Variants in PIEZO1 observed in about 807,000 individuals in gnomAD.
PIEZO1 encodes piezo type mechanosensitive ion channel component 1 (Er blood group).
Under a neutral mutation model 297.2 loss-of-function variants are expected in PIEZO1, and 296 were observed. That is an observed-to-expected ratio of 1.00 (90% CI 0.91 to 1.10). PIEZO1 has a LOEUF of 1.10. Ranked by LOEUF, PIEZO1 falls within the 50% of genes least tolerant of loss-of-function variation. The pLI is 0.00. For synonymous variants in PIEZO1, 2,427 were observed against 1,507.5 expected, an observed-to-expected ratio of 1.61 and a Z score of -14.13; for missense variants, 5,018 against 3,455.5, an observed-to-expected ratio of 1.45 and a Z score of -11.34.
intron 22 of PIEZO1, among the ~76,000 whole-genome samples, chr16:88,730,303 A>C (rs1227976570): frequency 2.0e-5 from 3 of 152,178 alleles, no homozygotes; most frequent in Non-Finnish European, 2.9e-5. Flanking sequence ...AGCAGAAAAC[A>C]AGACGGGGCC....
chr16:88,766,129 C>T (rs1907167922), intron 1 of PIEZO1, among the ~76,000 whole-genome samples: 1 of 152,192 alleles, frequency 6.6e-6, no homozygotes, highest in African/African-American at 2.4e-5. Flanking sequence ...GTCAGCGCTG[C>T]TGGGCCACGC....
chr16:88,725,481 T>G lies in PIEZO1; in HGVS notation c.4097A>C (p.Gln1366Pro). Residue 1366 changes from glutamine (Q) to proline (P), a missense_variant, in exon 29 of 51, where the codon CAG becomes CCG. By Grantham distance (76) the Gln-to-Pro change is moderately conservative (BLOSUM62 -1). Coordinates refer to ENST00000301015, the MANE Select transcript of PIEZO1 (RefSeq NM_001142864.4). ...GGGGCGACTGCGGTCCACCCGGCCC[T>G]GCCTGTGCTTCTCCTGCTTGGCACG... ...RIRAKQEKHR[Q>P]GRVDRSRPQD... 6.6e-7 allele frequency: 1 copy of G among 1,524,070 alleles called. No individual in the cohort carries two copies. Among genetic ancestry groups the G allele is most frequent in the Middle Eastern group, 1.7e-4 (1 of 5,856 alleles). The allele number at this position is 1,524,070 out of a possible 1,614,324, so 94.4% of individuals were successfully genotyped here.
chr16:88,783,932 G>A (rs1908050942), intron 1 of PIEZO1, among the ~76,000 whole-genome samples: 1 of 152,210 alleles, frequency 6.6e-6, no homozygotes, highest in Non-Finnish European at 1.5e-5. Flanking sequence ...GGCCCCACCT[G>A]CCGTGTCCAT....
At chr16:88,770,839 G>A (rs1206281364) in intron 1 of PIEZO1, among the ~76,000 whole-genome samples, 2 of 152,266 alleles carry the variant, frequency 1.3e-5, no homozygotes, top group East Asian at 1.9e-4. Flanking sequence ...CAGAGTCGCT[G>A]GGCCTCATGT....
intron 27 of PIEZO1, 27 bp from the exon 28 acceptor site, chr16:88,725,711 A>G (rs2142782114): frequency 8.1e-7 from 1 of 1,236,214 alleles, no homozygotes; most frequent in Non-Finnish European, 1.2e-6. Flanking sequence ...ATGGGGTGTG[A>G]GCACCAGGCA....
At chr16:88,736,078 A>G in intron 12 of PIEZO1, 70 bp downstream of exon 12, 1 of 1,432,156 alleles carries the variant, frequency 7.0e-7, no homozygotes, top group Non-Finnish European at 9.3e-7. Context: ...GCAAGTGGAC[A>G]TTGAACAGGA....
Position 88,723,277 on chromosome 16 carries a change from G to C in PIEZO1, c.4387C>G (p.Gln1463Glu), listed in dbSNP as rs762699607. 5 of 1,478,792 alleles carry C rather than the reference G, an allele frequency of 3.4e-6. No homozygotes were observed. The highest frequency in any genetic ancestry group is 4.6e-6 in the Non-Finnish European group (5 of 1,096,886). The allele number at this position is 1,478,792 out of a possible 1,614,324, so 91.6% of individuals were successfully genotyped here. ...TNAQAVLRRR[Q>E]QEQEQARQEQ... is the part of the protein sequence containing the mutation. ...TGCCTTGCCTGCTCCTGCTCCTGCT[G>C]CCGCCGCCTCAGCACCGCCTGGGCG... The change falls in exon 32 of 51, where the codon CAG becomes GAG. Residue 1463 changes from glutamine to glutamate, a missense_variant. By Grantham distance (29) the Gln-to-Glu change is conservative. Transcript: ENST00000301015.
intron 1 of PIEZO1, among the ~76,000 whole-genome samples, chr16:88,751,665 C>T (rs1212045448): frequency 1.4e-5 from 2 of 143,974 alleles, no homozygotes; most frequent in African/African-American, 2.5e-5. Flanking sequence ...GACGATTATA[C>T]ATTTTCATTA....
rs1226102035 is a variant in PIEZO1 at position 88,734,709 on chromosome 16, G to A, written c.1938C>T (p.Thr646=). Residue 646 remains threonine (T), a synonymous_variant, in exon 15 of 51, where the codon ACC becomes ACT. Transcript: ENST00000301015. The stretch of plus-strand genomic sequence containing the variant: ...AGGCAGGGAAGTCCTGGAACTGGAA[G>A]GTGTAGACGGCGATGAGGACCAGCA... ...YTMLVLIAVY[T]FQFQDFPAYW... is the part of the protein sequence containing the mutation. 7.7e-6 allele frequency: 12 copies of A among 1,550,380 alleles called. No homozygotes were observed. The highest frequency in any genetic ancestry group is 1.0e-5 in the Non-Finnish European group (12 of 1,146,944).
At position 88,737,760 on chromosome 16, in the gene PIEZO1, C is replaced by G; in HGVS notation, c.1075G>C (p.Asp359His). 1 of 1,535,756 alleles carries G rather than the reference C, an allele frequency of 6.5e-7. No homozygotes were observed. The highest frequency in any genetic ancestry group is 8.7e-7 in the Non-Finnish European group (1 of 1,146,726). ...EARELELAEL[D>H]QWPQERESDQ... is the part of the protein sequence containing the mutation. ...GACTCCCGTTCCTGGGGCCACTGGT[C>G]CAGCTCTGCTAGCTCCAGCTCCCGA... is the stretch of plus-strand genomic sequence containing the variant. Residue 359 changes from aspartate (D) to histidine (H), a missense_variant, in exon 9 of 51, where the codon GAC becomes CAC. By Grantham distance (81) the Asp-to-His change is moderately conservative (BLOSUM62 -1). Coordinates refer to ENST00000301015, the MANE Select transcript of PIEZO1 (RefSeq NM_001142864.4).
At chr16:88,777,204 C>T (rs767008641) in intron 1 of PIEZO1, among the ~76,000 whole-genome samples, 3 of 152,238 alleles carry the variant, frequency 2.0e-5, no homozygotes, top group African/African-American at 7.2e-5. Context: ...AACTCCTGGC[C>T]TTGGGATCCA....
chr16:88,734,831 G>C (rs925116638), intron 14 of PIEZO1, 33 bp from the exon 15 acceptor site: 37 of 1,550,012 alleles, frequency 2.4e-5, no homozygotes, highest in Non-Finnish European at 3.1e-5. Flanking sequence ...TGAGGACCGC[G>C]GGGAGGGTCC....
At chr16:88,765,617 C>A (rs116623965) in intron 1 of PIEZO1, among the ~76,000 whole-genome samples, 1 of 151,914 alleles carries the variant, frequency 6.6e-6, no homozygotes, top group Admixed American at 6.6e-5. Flanking sequence ...TGGACAGCAG[C>A]GCCTGGAGCC....
rs889231377 is a variant in PIEZO1 at position 88,738,849 on chromosome 16, T to G, written c.466-113A>C. On this transcript the variant is annotated intron_variant, in intron 5 of 50. Transcript: ENST00000301015. ...AGGCGGCCACATCCACAGCTGCTCC[T>G]CTGAGGGCCACAGGACAGCCTCCCC... The G allele has an allele frequency of 8.4e-6, 8 of 950,476 alleles. No individual in the cohort carries two copies. The African/African-American group carries it at 1.3e-4, about 16-fold the overall frequency. The allele number at this position is 950,476 out of a possible 1,614,324, so 58.9% of individuals were successfully genotyped here.
intron 1 of PIEZO1, among the ~76,000 whole-genome samples, chr16:88,759,749 G>A (rs530488671): frequency 2.4e-4 from 36 of 152,300 alleles, no homozygotes; most frequent in Admixed American, 9.1e-4. Flanking sequence ...TGGCCCAGGG[G>A]ACGGGGGGAA....
At position 88,734,646 on chromosome 16, in the gene PIEZO1, T is replaced by A; in HGVS notation, c.1997+4A>T. The A allele has an allele frequency of 6.5e-7, 1 of 1,550,174 alleles. No homozygotes were observed. Among genetic ancestry groups the A allele is most frequent in the Non-Finnish European group, 8.7e-7 (1 of 1,146,876 alleles). Reference sequence around the variant, plus strand: ...CCTGCCCCACCGCCCCAGCCTGGACTCACTGCTCGTCGGTGAAGCCAGTGA... The same window carrying A: ...CCTGCCCCACCGCCCCAGCCTGGACACACTGCTCGTCGGTGAAGCCAGTGA... On this transcript the variant is annotated splice_donor_region_variant and intron_variant, in intron 15 of 50. Coordinates refer to ENST00000301015, the MANE Select transcript of PIEZO1 (RefSeq NM_001142864.4).
At chr16:88,724,843 G>A (rs536231718) in intron 30 of PIEZO1, among the ~76,000 whole-genome samples, 166 bp downstream of exon 30, 2 of 152,206 alleles carry the variant, frequency 1.3e-5, no homozygotes, top group Non-Finnish European at 2.9e-5. Context: ...CAGCCCAGGG[G>A]TCTGCAGCCA....
chr16:88,737,576 G>A lies in PIEZO1; in HGVS notation c.1178C>T (p.Ser393Phe), dbSNP rs762815292. 200 of 1,533,888 alleles carry A rather than the reference G, an allele frequency of 1.3e-4. No individual in the cohort carries two copies. The highest frequency in any genetic ancestry group is 1.6e-4 in the Non-Finnish European group (189 of 1,146,214). The change falls in exon 10 of 51, where the codon TCC becomes TTC. Residue 393 changes from serine to phenylalanine, a missense_variant. Physicochemically the swap from Ser to Phe is radical, Grantham distance 155. Transcript: ENST00000301015. ...GTACTCACCAGGCCGCCGCAGGACG[G>A]AGCTCTGGCCGGTCAGCTCGTGCAC... ...CIVHELTGQS[S>F]VLRRPVRPKR...
At chr16:88,784,209 C>G (rs1908066799) in intron 1 of PIEZO1, among the ~76,000 whole-genome samples, 1 of 152,260 alleles carries the variant, frequency 6.6e-6, no homozygotes, top group African/African-American at 2.4e-5. Flanking sequence ...CACCAGGCCA[C>G]AGCCTCCGGG....
Sources: gnomAD v4.1 joint callset for allele counts (sites outside exome capture counted in the v4.1 genomes callset) on GRCh38, gnomAD v4.1.1 for gene constraint, MANE v1.5 for transcripts, NCBI Gene and HGNC (gene_info 2026-07-23, HGNC 2026-07-21) for gene names.